C16orf74: variants seen among roughly 807,000 people sequenced by gnomAD.
The protein encoded by C16orf74 is calcimembrin, also known as uncharacterized protein C16orf74.
In C16orf74, 10 loss-of-function variants were observed where a neutral mutation model predicts 6.5. The observed-to-expected ratio is 1.54, with a 90% CI of 0.95 to 2.61. C16orf74 has a LOEUF of 2.61. Ranked by LOEUF, C16orf74 falls within the 30% of genes most tolerant of loss-of-function variation. The probability of loss-of-function intolerance (pLI) is 0.00; values close to 1 mark genes in which losing one functional copy is unlikely to be tolerated. For synonymous variants in C16orf74, 60 were observed against 42.5 expected (o/e 1.41, Z -1.60); for missense variants, 141 against 105.9 (o/e 1.33, Z -1.45).
Position 85,742,613 on chromosome 16 carries a change from C to A in C16orf74, c.-18-7378G>T, listed in dbSNP as rs545482428. On this transcript the variant is annotated intron_variant, in intron 1 of 3. Coordinates refer to ENST00000284245, the MANE Select transcript of C16orf74 (RefSeq NM_206967.3). ...CTAGACTGCAATGGTGCGATCTCGG[C>A]TCACTGCAACCTCCGCCTCCTGGGT... Among the ~76,000 whole-genome samples the A allele has an allele frequency of 3.9e-5, 6 of 152,254 alleles. No homozygotes were observed. The East Asian group carries it at 7.8e-4, about 20-fold the overall frequency.
chr16:85,723,041 C>T (rs1253777556), intron 2 of C16orf74, among the ~76,000 whole-genome samples: 1 of 150,776 alleles, frequency 6.6e-6, no homozygotes, highest in African/African-American at 2.4e-5. Context: ...AGTAGGTCAC[C>T]TGAGGTCAGG....
intron 2 of C16orf74, among the ~76,000 whole-genome samples, chr16:85,724,013 C>CT (rs960027756): frequency 2.7e-5 from 4 of 149,894 alleles, no homozygotes; most frequent in African/African-American, 4.9e-5. Context: ...TTTTTTTTTT[C>CT]TTTTTTTTCA....
In C16orf74 at chr16:85,735,254, G is replaced by A. The variant is rs187841863; in HGVS notation, c.-18-19C>T. On this transcript the variant is annotated intron_variant, in intron 1 of 3. Transcript: ENST00000284245. ...TGCAGGCCTGTGGAGAGAGGACAGCGCTGAGAGAGGGGAGGGCGCGACTTG... is the reference window on the plus strand; with the variant it reads ...TGCAGGCCTGTGGAGAGAGGACAGCACTGAGAGAGGGGAGGGCGCGACTTG... 3.2e-3 allele frequency: 4,893 copies of A among 1,549,096 alleles called. 16 individuals carry two copies. Among genetic ancestry groups the A allele is most frequent in the Non-Finnish European group, 3.9e-3 (4,522 of 1,146,518 alleles).
intron 2 of C16orf74, among the ~76,000 whole-genome samples, chr16:85,727,785 G>A (rs780076495): frequency 9.3e-5 from 14 of 151,218 alleles, no homozygotes; most frequent in Admixed American, 5.3e-4. Flanking sequence ...CTGCACTCCA[G>A]CCTGGGCAAC....
At chr16:85,746,612 G>A (rs952795371) in intron 1 of C16orf74, among the ~76,000 whole-genome samples, 1 of 152,168 alleles carries the variant, frequency 6.6e-6, no homozygotes, top group African/African-American at 2.4e-5. Context: ...GACCTCCTGG[G>A]AGGAGGACCC....
At chr16:85,735,751 C>T (rs1032099700) in intron 1 of C16orf74, among the ~76,000 whole-genome samples, 13 of 9,372 alleles carry the variant, frequency 1.4e-3, no homozygotes, top group African/African-American at 4.4e-3. Context: ...GGACGTGTGG[C>T]CCCCCCAGCC....
At chr16:85,725,286 C>T (rs973536996) in intron 2 of C16orf74, among the ~76,000 whole-genome samples, 8 of 151,812 alleles carry the variant, frequency 5.3e-5, no homozygotes, top group African/African-American at 1.9e-4. Context: ...CAGAAAGAGC[C>T]CTGGAATTGA....
At chr16:85,710,561 T>A in intron 2 of C16orf74, 1 of 454,512 alleles carries the variant, frequency 2.2e-6, no homozygotes, top group Non-Finnish European at 3.9e-6. Flanking sequence ...ATAGGCTAGT[T>A]GGCCTCTGGG....
chr16:85,732,990 G>A (rs1458684623), intron 2 of C16orf74, among the ~76,000 whole-genome samples: 1 of 152,160 alleles, frequency 6.6e-6, no homozygotes, highest in Non-Finnish European at 1.5e-5. Context: ...GAGGTGGGAG[G>A]GCATTTCCCA....
chr16:85,750,812 C>T (rs2054429539), intron 1 of C16orf74, 114 bp downstream of exon 1: 1 of 152,114 alleles, frequency 6.6e-6, no homozygotes, highest in African/African-American at 2.4e-5. Context: ...GGGCCGCGCC[C>T]CTGCAGCGGC....
At chr16:85,716,458 G>A (rs1397036885) in intron 2 of C16orf74, among the ~76,000 whole-genome samples, 1 of 141,220 alleles carries the variant, frequency 7.1e-6, no homozygotes, top group African/African-American at 2.7e-5. Flanking sequence ...AGGAAGAGAG[G>A]AGGGAGAGGA....
intron 1 of C16orf74, among the ~76,000 whole-genome samples, chr16:85,735,782 C>T (rs76265142): frequency 0.013 from 1,914 of 152,172 alleles, 38 homozygotes; most frequent in African/African-American, 0.044. Context: ...AGAATTGTCC[C>T]AACCAGTGTT....
chr16:85,710,857 T>C (rs1598778374), intron 2 of C16orf74: 1 of 152,616 alleles, frequency 6.6e-6, no homozygotes, highest in Non-Finnish European at 1.5e-5. Context: ...CTGCTCCCTC[T>C]TTTGCCCATC....
At chr16:85,715,821 G>C (rs2054017787) in intron 2 of C16orf74, among the ~76,000 whole-genome samples, 1 of 152,192 alleles carries the variant, frequency 6.6e-6, no homozygotes, top group Non-Finnish European at 1.5e-5. Context: ...GCTTGTTCGT[G>C]CCAAAAACAA....
chr16:85,735,764 C>T (rs1310540337), intron 1 of C16orf74, among the ~76,000 whole-genome samples: 5 of 151,606 alleles, frequency 3.3e-5, no homozygotes, highest in African/African-American at 7.3e-5. Context: ...CCCCAGCCCA[C>T]GGGTATTAGA....
chr16:85,746,303 TCGCGCCACTGCA>T, intron 1 of C16orf74, among the ~76,000 whole-genome samples: 1 of 152,256 alleles, frequency 6.6e-6, no homozygotes, highest in Non-Finnish European at 1.5e-5. Flanking sequence ...CTAGTGGAGA[TCGCGCCACTGCA>T]CTCAAGCCTG....
chr16:85,714,157 T>C (rs1046274110), intron 2 of C16orf74, among the ~76,000 whole-genome samples: 1 of 152,092 alleles, frequency 6.6e-6, no homozygotes, highest in Non-Finnish European at 1.5e-5. Context: ...AGTGGGGGAA[T>C]CAGCCGACTC....
intron 2 of C16orf74, among the ~76,000 whole-genome samples, chr16:85,717,329 C>T (rs2054035583): frequency 6.6e-6 from 1 of 152,248 alleles, no homozygotes; most frequent in Non-Finnish European, 1.5e-5. Flanking sequence ...TCCAGGGCCT[C>T]AGCCCAGGCT....
At chr16:85,740,038 C>T (rs1482901672) in intron 1 of C16orf74, among the ~76,000 whole-genome samples, 9 of 147,146 alleles carry the variant, frequency 6.1e-5, no homozygotes, top group African/African-American at 1.5e-4. Context: ...GGTGAAACCC[C>T]GTCTCTACTA....
Sources: gnomAD v4.1 joint callset for allele counts (sites outside exome capture counted in the v4.1 genomes callset) on GRCh38, gnomAD v4.1.1 for gene constraint, MANE v1.5 for transcripts, NCBI Gene and HGNC (gene_info 2026-07-23, HGNC 2026-07-21) for gene names.